Variants in GPC6 observed in about 807,000 individuals in gnomAD.
GPC6 encodes glypican 6.
A neutral mutation model predicts 55.2 loss-of-function variants in GPC6; 14 were observed. That is an observed-to-expected ratio of 0.25 (90% CI 0.17 to 0.40). The LOEUF is 0.40. Ranked by LOEUF, GPC6 falls within the 10% of genes least tolerant of loss-of-function variation. GPC6 has a pLI of 1.00. For synonymous variants in GPC6, 278 were observed against 259.6 expected (o/e 1.07, Z -0.68); for missense variants, 641 against 708.5 (o/e 0.90, Z 1.08).
chr13:93,396,488 G>A (rs548639030), intron 1 of GPC6, among the ~76,000 whole-genome samples: 30 of 152,084 alleles, frequency 2.0e-4, no homozygotes, highest in African/African-American at 4.8e-4. Context: ...GCTTGAACCC[G>A]GGAGGCGGAG....
At chr13:93,586,396 A>G (rs889792846) in intron 2 of GPC6, among the ~76,000 whole-genome samples, 1 of 152,148 alleles carries the variant, frequency 6.6e-6, no homozygotes, top group African/African-American at 2.4e-5. Flanking sequence ...TATCTTTGCT[A>G]TTGTGTAGTG....
rs534359307 is a variant in GPC6, at chr13:93,273,197, C to A, written c.160+45581C>A. 3.9e-3 allele frequency among the ~76,000 whole-genome samples: 589 copies of A among 152,034 alleles called. 3 individuals carry two copies. Among genetic ancestry groups the A allele is most frequent in the African/African-American group, 0.014 (569 of 41,432 alleles). On this transcript the variant is annotated intron_variant, in intron 1 of 8. Transcript: ENST00000377047. ...GAATATGTTTTCCAAGTGATTTTTA[C>A]AAAAAGATAGTCTGAATCTTATCTA...
intron 3 of GPC6, among the ~76,000 whole-genome samples, chr13:93,879,455 C>A (rs1193505993): frequency 6.6e-6 from 1 of 151,934 alleles, no homozygotes; most frequent in Non-Finnish European, 1.5e-5. Context: ...GAAAAACAAG[C>A]AATGGGGAAA....
At chr13:93,574,928 T>C (rs1458502310) in intron 2 of GPC6, among the ~76,000 whole-genome samples, 1 of 152,194 alleles carries the variant, frequency 6.6e-6, no homozygotes, top group Non-Finnish European at 1.5e-5. Context: ...CCCAAGACAA[T>C]CTATGTATAG....
chr13:94,212,196 A>AT (rs1047425538), intron 4 of GPC6, among the ~76,000 whole-genome samples: 2 of 151,920 alleles, frequency 1.3e-5, no homozygotes, highest in African/African-American at 4.8e-5. Context: ...AAACAAACTT[A>AT]TTTTTTTTCA....
intron 1 of GPC6, among the ~76,000 whole-genome samples, chr13:93,303,523 C>T (rs949480606): frequency 1.3e-5 from 2 of 152,118 alleles, no homozygotes; most frequent in Admixed American, 6.5e-5. Context: ...CATGCCAAAG[C>T]TTTCAGCATA....
intron 3 of GPC6, among the ~76,000 whole-genome samples, chr13:93,979,634 G>A (rs1049399624): frequency 1.1e-4 from 17 of 152,044 alleles, no homozygotes; most frequent in African/African-American, 4.1e-4. Flanking sequence ...TTCAAATGTG[G>A]AGTCAGTGAA....
At chr13:93,575,713 T>G (rs1876631824) in intron 2 of GPC6, among the ~76,000 whole-genome samples, 3 of 152,300 alleles carry the variant, frequency 2.0e-5, no homozygotes, top group East Asian at 3.9e-4. Flanking sequence ...AAAGCTGTAT[T>G]TAAGTTTTGA....
At chr13:93,850,680 G>A (rs1888360213) in intron 3 of GPC6, among the ~76,000 whole-genome samples, 1 of 151,940 alleles carries the variant, frequency 6.6e-6, no homozygotes. Flanking sequence ...AGGAGAAAAT[G>A]TAAAGAGAGG....
chr13:94,286,235 A>T, intron 4 of GPC6, 114 bp from the exon 5 acceptor site: 1 of 1,062,480 alleles, frequency 9.4e-7, no homozygotes, highest in Non-Finnish European at 1.4e-6. Context: ...AAGCAAATTT[A>T]AAAACGTGAA....
chr13:94,256,966 T>A (rs1177525415), intron 4 of GPC6, among the ~76,000 whole-genome samples: 2 of 152,230 alleles, frequency 1.3e-5, no homozygotes. Context: ...ATAGATTCTG[T>A]TGAGTCTGCA....
rs113593242 is a variant in GPC6 at position 94,083,861 on chromosome 13, T to C, written c.877+55967T>C. ...ATAAAACACAGGACCCAGATATGAA[T>C]GTCTTTCTACCAATCTTTGTCTACT... On this transcript the variant is annotated intron_variant, in intron 4 of 8. Coordinates refer to ENST00000377047, the MANE Select transcript of GPC6 (RefSeq NM_005708.5). Among the ~76,000 whole-genome samples the C allele has an allele frequency of 9.8e-3, 1,500 of 152,358 alleles. 29 individuals carry two copies. Among genetic ancestry groups the C allele is most frequent in the African/African-American group, 0.034 (1,434 of 41,580 alleles).
intron 2 of GPC6, among the ~76,000 whole-genome samples, chr13:93,769,147 A>G (rs1885213622): frequency 6.6e-6 from 1 of 152,032 alleles, no homozygotes; most frequent in Admixed American, 6.6e-5. Context: ...CTAAGTCAAT[A>G]TTTTCCCAAA....
At chr13:94,041,364 A>T (rs1173782696) in intron 4 of GPC6, among the ~76,000 whole-genome samples, 2 of 151,978 alleles carry the variant, frequency 1.3e-5, no homozygotes, top group East Asian at 3.9e-4. Context: ...CAGAGAAGTC[A>T]TAGTAATCTG....
intron 2 of GPC6, among the ~76,000 whole-genome samples, chr13:93,746,794 T>C (rs1418292609): frequency 6.6e-6 from 1 of 152,152 alleles, no homozygotes; most frequent in Non-Finnish European, 1.5e-5. Context: ...AAGCCTACTC[T>C]TGACACCAAA....
At chr13:93,296,756 C>G (rs1443720457) in intron 1 of GPC6, among the ~76,000 whole-genome samples, 1 of 152,150 alleles carries the variant, frequency 6.6e-6, no homozygotes, top group Non-Finnish European at 1.5e-5. Context: ...ATCAAGTTCC[C>G]TTTCTCTTGG....
intron 3 of GPC6, among the ~76,000 whole-genome samples, chr13:93,971,592 A>T (rs1435795186): frequency 6.6e-6 from 1 of 152,240 alleles, no homozygotes; most frequent in Non-Finnish European, 1.5e-5. Flanking sequence ...AATCCATTGA[A>T]AATACATCTG....
intron 2 of GPC6, among the ~76,000 whole-genome samples, chr13:93,640,337 T>G (rs1879861125): frequency 6.6e-6 from 1 of 152,144 alleles, no homozygotes; most frequent in African/African-American, 2.4e-5. Context: ...GCTTACTATA[T>G]GCCAAGTACA....
intron 3 of GPC6, among the ~76,000 whole-genome samples, chr13:94,024,420 T>C (rs1057512634): frequency 6.6e-6 from 1 of 152,146 alleles, no homozygotes; most frequent in Non-Finnish European, 1.5e-5. Flanking sequence ...TAAAGCAACA[T>C]TTTCAGAAGC....
Sources: gnomAD v4.1 joint callset for allele counts (sites outside exome capture counted in the v4.1 genomes callset) on GRCh38, gnomAD v4.1.1 for gene constraint, MANE v1.5 for transcripts, NCBI Gene and HGNC (gene_info 2026-07-23, HGNC 2026-07-21) for gene names.